The following BAZ2B variants were observed in gnomAD, a reference collection of about 807,000 sequenced individuals.
The protein encoded by BAZ2B is bromodomain adjacent to zinc finger domain protein 2B.
In BAZ2B, 91 loss-of-function variants were observed where a neutral mutation model predicts 246.0. That is an observed-to-expected ratio of 0.37 (90% confidence interval 0.31 to 0.44). The LOEUF is 0.44. Ranked by LOEUF, BAZ2B falls within the 20% of genes least tolerant of loss-of-function variation. BAZ2B has a pLI of 1.00. For synonymous variants in BAZ2B, 855 were observed against 860.0 expected (o/e 0.99, Z 0.10); for missense variants, 2,332 against 2,533.7 (o/e 0.92, Z 1.71).
At chr2:159,500,977 G>C (rs56309408) in intron 2 of BAZ2B, among the ~76,000 whole-genome samples, 5,682 of 146,708 alleles carry the variant, frequency 0.039, 183 homozygotes, top group East Asian at 0.13. Flanking sequence ...AAAAAGAAAA[G>C]GAAAGAAAAC....
At chr2:159,508,445 T>C (rs2082564693) in intron 2 of BAZ2B, among the ~76,000 whole-genome samples, 2 of 152,230 alleles carry the variant, frequency 1.3e-5, no homozygotes, top group South Asian at 4.1e-4. Context: ...ATATGCTCTA[T>C]AGATTATTGA....
chr2:159,506,500 T>C (rs2082340444), intron 2 of BAZ2B, among the ~76,000 whole-genome samples: 1 of 152,054 alleles, frequency 6.6e-6, no homozygotes, highest in Admixed American at 6.6e-5. Flanking sequence ...CCAGAAAGGG[T>C]TGATGTAGAC....
intron 3 of BAZ2B, chr2:159,462,761 G>T (rs559793283): frequency 2.5e-4 from 347 of 1,414,234 alleles, no homozygotes; most frequent in Non-Finnish European, 3.4e-4. Flanking sequence ...GAAGTTTTTA[G>T]GCTGACACTC....
chr2:159,548,267 A>G (rs2087658962), intron 2 of BAZ2B, among the ~76,000 whole-genome samples: 1 of 152,240 alleles, frequency 6.6e-6, no homozygotes, highest in Non-Finnish European at 1.5e-5. Flanking sequence ...ATTCTTAAAA[A>G]GATTTTCACT....
At chr2:159,356,641 C>G (rs976921383) in intron 27 of BAZ2B, among the ~76,000 whole-genome samples, 14 of 152,192 alleles carry the variant, frequency 9.2e-5, no homozygotes, top group African/African-American at 3.4e-4. Context: ...GGACAGACTG[C>G]CTCCTCAGTT....
chr2:159,542,022 T>A (rs990591197), intron 2 of BAZ2B, among the ~76,000 whole-genome samples: 1 of 152,110 alleles, frequency 6.6e-6, no homozygotes, highest in Non-Finnish European at 1.5e-5. Context: ...GAGCTAAAAG[T>A]TATGATAGCT....
chr2:159,324,854 G>A lies in BAZ2B; in HGVS notation c.6310C>T (p.Pro2104Ser). ...VPGYKKVIKK[P>S]MDFSTIREKL... ...TCTCTAATTGTGGAAAAATCCATAG[G>A]CTTCTTAATAACTTTCTTATAACCA... is the stretch of plus-strand genomic sequence containing the variant. Residue 2104 changes from proline to serine, a missense_variant, in exon 36 of 37, where the codon CCT becomes TCT. By Grantham distance (74) the Pro-to-Ser change is moderately conservative. Transcript: ENST00000392783. The A allele has an allele frequency of 6.5e-7, 1 of 1,546,326 alleles. No homozygotes were observed. The highest frequency in any genetic ancestry group is 1.7e-4 in the Middle Eastern group (1 of 5,914).
At chr2:159,394,207 C>T (rs1243354050) in intron 20 of BAZ2B, among the ~76,000 whole-genome samples, 3 of 151,878 alleles carry the variant, frequency 2.0e-5, no homozygotes, top group Non-Finnish European at 4.4e-5. Context: ...GGTCTTTTCC[C>T]TGAGCTACTA....
At chr2:159,620,159 TGG>T (rs1308175298), upstream of BAZ2B, among the ~76,000 whole-genome samples, 1 of 152,188 alleles carries the variant, frequency 6.6e-6, no homozygotes, top group Admixed American at 6.5e-5. Flanking sequence ...CTTACTACTA[TGG>T]GTATTGTAGA....
rs770623342 is a variant in BAZ2B, at chr2:159,478,766, T to TC, written c.-2-46_-2-45insG. On this transcript the variant is annotated intron_variant, in intron 2 of 36. Transcript: ENST00000392783. ...TAATTCTCAGTATCAGATAAAAAAT[T>TC]TTTTCAAAAGAATTCAACATAAACT... 1.1e-5 allele frequency: 15 copies of TC among 1,382,798 alleles called. No homozygotes were observed. The East Asian group carries it at 4.0e-4, about 37-fold the overall frequency. 85.7% of individuals were successfully genotyped at this position (1,382,798 alleles called of 1,614,324 possible). A position where few individuals can be genotyped will look rare whatever the true frequency, so the allele number is the denominator to read the frequency against.
chr2:159,479,695 T>G (rs1377616764), intron 2 of BAZ2B, among the ~76,000 whole-genome samples: 1 of 152,154 alleles, frequency 6.6e-6, no homozygotes, highest in East Asian at 1.9e-4. Context: ...ATTGACTAAT[T>G]AAAATAATGC....
intron 27 of BAZ2B, 90 bp from the exon 28 acceptor site, chr2:159,350,447 G>T: frequency 8.1e-7 from 1 of 1,238,230 alleles, no homozygotes; most frequent in Non-Finnish European, 1.1e-6. Flanking sequence ...CAAATTATAT[G>T]CATAAATACT....
chr2:159,619,409 T>C (rs1045377141), upstream of BAZ2B, among the ~76,000 whole-genome samples: 2 of 151,764 alleles, frequency 1.3e-5, no homozygotes, highest in Admixed American at 6.6e-5. Context: ...GGGCTCGTTA[T>C]ATACTTCAGG....
At chr2:159,352,367 T>C (rs1231904147) in intron 27 of BAZ2B, among the ~76,000 whole-genome samples, 1 of 152,224 alleles carries the variant, frequency 6.6e-6, no homozygotes, top group East Asian at 1.9e-4. Context: ...TCATTCTATA[T>C]ATTTCCTTTA....
At position 159,438,716 on chromosome 2, in the gene BAZ2B, G is replaced by A. The variant is rs1002056663; in HGVS notation, c.901-21C>T. On this transcript the variant is annotated intron_variant, in intron 7 of 36. Transcript: ENST00000392783. ...AGCACCTAGATATAAAAATGAAAAG[G>A]TAAGTTCCTAACATCTATTAAGACA... 7 of 1,552,634 alleles carry A rather than the reference G, an allele frequency of 4.5e-6. No homozygotes were observed. The African/African-American group carries it at 9.7e-5, about 21-fold the overall frequency.
intron 2 of BAZ2B, among the ~76,000 whole-genome samples, chr2:159,523,460 C>T (rs1430064167): frequency 4.0e-5 from 6 of 151,878 alleles, no homozygotes; most frequent in Non-Finnish European, 8.8e-5. Context: ...AATCCCAGCA[C>T]TTTGGGAGGT....
chr2:159,512,704 A>T (rs1475690950), intron 2 of BAZ2B, among the ~76,000 whole-genome samples: 3 of 152,190 alleles, frequency 2.0e-5, no homozygotes, highest in Non-Finnish European at 4.4e-5. Flanking sequence ...TGATAATAGC[A>T]GCTGTAATTT....
the BAZ2B span, among the ~76,000 whole-genome samples, chr2:159,630,956 G>A: frequency 1.3e-5 from 2 of 152,160 alleles, no homozygotes; most frequent in Admixed American, 6.5e-5. Flanking sequence ...CATTTTGAGA[G>A]GCCCAAGTAG....
At chr2:159,384,824 C>A (rs2062435967) in intron 23 of BAZ2B, among the ~76,000 whole-genome samples, 1 of 152,010 alleles carries the variant, frequency 6.6e-6, no homozygotes, top group African/African-American at 2.4e-5. Context: ...ATTCTGTATT[C>A]TTGTGGTGGT....
Sources: gnomAD v4.1 joint callset for allele counts (sites outside exome capture counted in the v4.1 genomes callset) on GRCh38, gnomAD v4.1.1 for gene constraint, MANE v1.5 for transcripts, NCBI Gene and HGNC (gene_info 2026-07-23, HGNC 2026-07-21) for gene names.